The following PLXDC2 variants were observed in gnomAD, a reference collection of about 807,000 sequenced individuals.
PLXDC2 encodes the protein plexin domain-containing protein 2.
A neutral mutation model predicts 68.9 loss-of-function variants in PLXDC2; 40 were observed. That is an observed-to-expected ratio of 0.58 (90% confidence interval 0.45 to 0.76). The LOEUF (loss-of-function observed/expected upper bound fraction) is 0.76. Among genes scored for constraint, PLXDC2 ranks in the 30% least tolerant of loss-of-function variants. The probability of loss-of-function intolerance (pLI) is 0.00; values close to 1 mark genes in which losing one functional copy is unlikely to be tolerated. For missense variants in PLXDC2, 644 were observed against 661.9 expected (o/e 0.97, Z 0.30); for synonymous variants, 243 against 234.2 (o/e 1.04, Z -0.34).
At position 20,172,230 on chromosome 10, in the gene PLXDC2, G is replaced by GAAA. The variant is rs571463676; in HGVS notation, c.884-4752_884-4750dup. ...AAGTCACAGTCTCCTTTGTGAAAAG[G>GAAA]AAAAAAAAAAAAAAAAAAAGAGAGA... On this transcript the variant is annotated intron_variant, in intron 7 of 13. Transcript: ENST00000377252. Among the ~76,000 whole-genome samples the GAAA allele has an allele frequency of 6.0e-4, 66 of 110,548 alleles. 1 individual carries two copies. Among genetic ancestry groups the GAAA allele is most frequent in the South Asian group, 9.4e-4 (3 of 3,182 alleles). The allele number at this position is 110,548 out of a possible 152,430, so 72.5% of individuals were successfully genotyped here.
chr10:20,226,405 C>G (rs1311227802), intron 12 of PLXDC2, among the ~76,000 whole-genome samples: 1 of 152,110 alleles, frequency 6.6e-6, no homozygotes, highest in Non-Finnish European at 1.5e-5. Flanking sequence ...TATTGGACAC[C>G]CCTGATTTAA....
chr10:19,975,605 A>C (rs182358164), intron 1 of PLXDC2, among the ~76,000 whole-genome samples: 1 of 152,352 alleles, frequency 6.6e-6, no homozygotes, highest in South Asian at 2.1e-4. Flanking sequence ...TAATAAGAGC[A>C]CTATTTAGAG....
chr10:20,132,455 C>G (rs1833879633), intron 4 of PLXDC2, among the ~76,000 whole-genome samples: 1 of 152,090 alleles, frequency 6.6e-6, no homozygotes, highest in Non-Finnish European at 1.5e-5. Flanking sequence ...TATTGAAGTC[C>G]TCTACTATTA....
chr10:20,108,261 A>C (rs1833516962), intron 4 of PLXDC2, among the ~76,000 whole-genome samples: 1 of 152,136 alleles, frequency 6.6e-6, no homozygotes, highest in Non-Finnish European at 1.5e-5. Flanking sequence ...GATTGTCAGC[A>C]ATTTAAAAAA....
chr10:20,027,920 C>G (rs955000072), intron 2 of PLXDC2, among the ~76,000 whole-genome samples: 2 of 151,816 alleles, frequency 1.3e-5, no homozygotes, highest in African/African-American at 2.4e-5. Context: ...GTCACCATTT[C>G]AAAAACAGAC....
chr10:20,242,553 A>G (rs1430960739), intron 12 of PLXDC2, among the ~76,000 whole-genome samples: 1 of 152,134 alleles, frequency 6.6e-6, no homozygotes, highest in Non-Finnish European at 1.5e-5. Flanking sequence ...TGGTCATTCT[A>G]ATACTGTAAC....
At chr10:20,140,967 C>T (rs1833999067) in intron 4 of PLXDC2, among the ~76,000 whole-genome samples, 1 of 151,130 alleles carries the variant, frequency 6.6e-6, no homozygotes, top group Non-Finnish European at 1.5e-5. Context: ...GTGGCAGTTT[C>T]TTGTTCATTT....
chr10:19,872,604 G>A (rs1235461788), intron 1 of PLXDC2, among the ~76,000 whole-genome samples: 1 of 152,172 alleles, frequency 6.6e-6, no homozygotes, highest in Non-Finnish European at 1.5e-5. Flanking sequence ...GCCACACCTA[G>A]ACAAATGTGG....
Position 20,279,907 on chromosome 10 carries a change from CA to C in PLXDC2, c.*89del. On this transcript the variant is annotated 3_prime_UTR_variant, in exon 14 of 14. Transcript: ENST00000377252. ...TACCTTTAAGACAAACAAACAAACA[CA>C]CACACAAACAAGCTCTAAGCTGCTG... 1.1e-6 allele frequency: 1 copy of C among 933,384 alleles called. No individual in the cohort carries two copies. The highest frequency in any genetic ancestry group is 1.7e-6 in the Non-Finnish European group (1 of 580,870). The allele number at this position is 933,384 out of a possible 1,614,324, so 57.8% of individuals were successfully genotyped here.
chr10:20,061,193 A>T (rs1237661808), intron 3 of PLXDC2, among the ~76,000 whole-genome samples: 1 of 152,216 alleles, frequency 6.6e-6, no homozygotes, highest in Non-Finnish European at 1.5e-5. Context: ...GCTAATTGTC[A>T]GCAAATTATT....
intron 2 of PLXDC2, among the ~76,000 whole-genome samples, chr10:20,038,639 G>A (rs1388174443): frequency 6.6e-6 from 1 of 152,138 alleles, no homozygotes; most frequent in East Asian, 1.9e-4. Flanking sequence ...ATTTAAGGAT[G>A]CTGAATACTT....
intron 11 of PLXDC2, 129 bp downstream of exon 11, chr10:20,217,705 G>A (rs1290890175): frequency 4.1e-5 from 47 of 1,154,236 alleles, no homozygotes; most frequent in Non-Finnish European, 5.0e-5. Flanking sequence ...GTTATTCTTT[G>A]GCAAACTGGA....
intron 1 of PLXDC2, among the ~76,000 whole-genome samples, chr10:19,883,883 A>ATTTTTTTTTTTTTTTT (rs1564618531): frequency 2.4e-5 from 1 of 41,906 alleles, no homozygotes; most frequent in Non-Finnish European, 4.3e-5. Context: ...ATCCCTTTAA[A>ATTTTTTTTTTTTTTTT]CTTTTTTTTT....
At chr10:19,852,425 CAAAAAAAAAAAAAAAAAAAAAAA>C (rs61430454) in intron 1 of PLXDC2, among the ~76,000 whole-genome samples, 10 of 61,926 alleles carry the variant, frequency 1.6e-4, no homozygotes, top group Admixed American at 9.6e-4. Context: ...GACCCTGTCT[CAAAAAAAAAAAAAAAAAAAAAAA>C]AAAAAAAAAA....
chr10:19,981,583 A>G (rs1215903388), intron 1 of PLXDC2, among the ~76,000 whole-genome samples: 1 of 152,090 alleles, frequency 6.6e-6, no homozygotes, highest in Non-Finnish European at 1.5e-5. Context: ...TAGTAAGCTT[A>G]CTCAGAACAT....
intron 1 of PLXDC2, among the ~76,000 whole-genome samples, chr10:19,986,100 A>AATGG (rs1834633447): frequency 6.6e-6 from 1 of 152,216 alleles, no homozygotes; most frequent in East Asian, 1.9e-4. Context: ...TGAATGAATG[A>AATGG]ATGGATGAAT....
chr10:19,967,006 G>A (rs1344598792), intron 1 of PLXDC2, among the ~76,000 whole-genome samples: 1 of 152,176 alleles, frequency 6.6e-6, no homozygotes, highest in Non-Finnish European at 1.5e-5. Context: ...CTCTGTCAGT[G>A]CTAACAGATG....
intron 10 of PLXDC2, among the ~76,000 whole-genome samples, chr10:20,217,066 T>C (rs1174440380): frequency 3.9e-5 from 6 of 152,344 alleles, no homozygotes; most frequent in Admixed American, 3.3e-4. Context: ...TTAAACCTTA[T>C]CTTTATGCAC....
At chr10:19,907,784 A>T (rs11593085) in intron 1 of PLXDC2, among the ~76,000 whole-genome samples, 6,958 of 152,270 alleles carry the variant, frequency 0.046, 199 homozygotes, top group Middle Eastern at 0.13. Flanking sequence ...TACAGTTGAC[A>T]TAAAAGGGGT....
Sources: gnomAD v4.1 joint callset for allele counts (sites outside exome capture counted in the v4.1 genomes callset) on GRCh38, gnomAD v4.1.1 for gene constraint, MANE v1.5 for transcripts, NCBI Gene and HGNC (gene_info 2026-07-23, HGNC 2026-07-21) for gene names.